Variants in PKNOX1 observed in about 807,000 individuals in gnomAD.
PKNOX1 encodes PBX/knotted 1 homeobox 1.
In PKNOX1, 15 loss-of-function variants were observed where a neutral mutation model predicts 51.9. The observed-to-expected ratio is 0.29, with a 90% CI of 0.19 to 0.45. The LOEUF is 0.45. PKNOX1 is among the 20% of genes least tolerant of loss of function. The pLI, the probability that PKNOX1 is intolerant of heterozygous loss-of-function variation, is 1.00. For synonymous variants in PKNOX1, 219 were observed against 211.1 expected (o/e 1.04, Z -0.32); for missense variants, 462 against 547.5 (o/e 0.84, Z 1.56).
chr21:43,029,679 C>T (rs1252623242), intron 10 of PKNOX1, among the ~76,000 whole-genome samples: 1 of 152,074 alleles, frequency 6.6e-6, no homozygotes, highest in Non-Finnish European at 1.5e-5. Context: ...TATCCGCCTG[C>T]CTCAGCCTCC....
At chr21:43,022,543 T>C (rs1330472525) in intron 8 of PKNOX1, among the ~76,000 whole-genome samples, 2 of 152,078 alleles carry the variant, frequency 1.3e-5, no homozygotes, top group African/African-American at 2.4e-5. Flanking sequence ...CTGCGCCTCT[T>C]CTGCTTGCCT....
intron 1 of PKNOX1, among the ~76,000 whole-genome samples, chr21:43,001,565 C>T (rs1978754898): frequency 6.6e-6 from 1 of 152,190 alleles, no homozygotes; most frequent in South Asian, 2.1e-4. Context: ...GTGCTGTGTC[C>T]TCCTGTCTCC....
chr21:43,025,466 A>G (rs553504030), intron 9 of PKNOX1, among the ~76,000 whole-genome samples: 5 of 152,334 alleles, frequency 3.3e-5, no homozygotes, highest in African/African-American at 1.2e-4. Flanking sequence ...CCTGCTCCAC[A>G]GAAGAGTCTG....
chr21:42,978,908 A>G (rs1241596793), intron 1 of PKNOX1, among the ~76,000 whole-genome samples: 5 of 151,912 alleles, frequency 3.3e-5, no homozygotes, highest in African/African-American at 2.4e-5. Flanking sequence ...GGCCTTGGCT[A>G]TGTTTTTGAG....
intron 1 of PKNOX1, among the ~76,000 whole-genome samples, chr21:42,983,168 C>T (rs1476072114): frequency 1.3e-5 from 2 of 152,090 alleles, no homozygotes; most frequent in African/African-American, 4.8e-5. Flanking sequence ...CCATCTTAAC[C>T]ATTTTCAGTG....
chr21:42,986,806 T>A (rs1410082289), intron 1 of PKNOX1, among the ~76,000 whole-genome samples: 1 of 152,154 alleles, frequency 6.6e-6, no homozygotes, highest in Non-Finnish European at 1.5e-5. Context: ...TTGTCTTCAG[T>A]CGTTTTCTGG....
intron 8 of PKNOX1, chr21:43,024,508 A>T (rs915994356): frequency 1.6e-5 from 3 of 186,088 alleles, no homozygotes; most frequent in South Asian, 3.1e-4. Context: ...TTTATTGTTC[A>T]TAAGTTAAAG....
chr21:43,020,793 G>A (rs919011561), intron 7 of PKNOX1, among the ~76,000 whole-genome samples: 1 of 152,238 alleles, frequency 6.6e-6, no homozygotes, highest in African/African-American at 2.4e-5. Flanking sequence ...GCACAGGTGG[G>A]AACAGGTGGT....
At chr21:42,975,825 C>T (rs896660897) in intron 1 of PKNOX1, among the ~76,000 whole-genome samples, 4 of 152,216 alleles carry the variant, frequency 2.6e-5, no homozygotes, top group African/African-American at 9.6e-5. Context: ...GATGATTTTT[C>T]CTTAGGAAGT....
chr21:42,998,024 G>T (rs1978587209), intron 1 of PKNOX1, among the ~76,000 whole-genome samples: 1 of 152,152 alleles, frequency 6.6e-6, no homozygotes, highest in Non-Finnish European at 1.5e-5. Flanking sequence ...GTCTACTCAG[G>T]TAGCTCACAC....
intron 7 of PKNOX1, among the ~76,000 whole-genome samples, chr21:43,019,959 G>T (rs1283865203): frequency 7.9e-6 from 1 of 126,732 alleles, no homozygotes; most frequent in Non-Finnish European, 1.6e-5. Context: ...TTAAGAGACG[G>T]TCTCGCTCTG....
At chr21:42,989,461 G>C (rs201562279) in intron 1 of PKNOX1, among the ~76,000 whole-genome samples, 1 of 152,034 alleles carries the variant, frequency 6.6e-6, no homozygotes, top group East Asian at 1.9e-4. Flanking sequence ...TGTCACCCTG[G>C]CTGGAGTGCA....
chr21:42,990,530 A>G (rs1441155756), intron 1 of PKNOX1, among the ~76,000 whole-genome samples: 1 of 152,192 alleles, frequency 6.6e-6, no homozygotes, highest in Non-Finnish European at 1.5e-5. Flanking sequence ...GGGCAGTGTT[A>G]TAAGTTGGAT....
In PKNOX1 at chr21:43,021,041, C is replaced by T. The variant is rs1979729882; in HGVS notation, c.721-262C>T. On this transcript the variant is annotated intron_variant, in intron 7 of 10. Coordinates refer to ENST00000291547, the MANE Select transcript of PKNOX1 (RefSeq NM_004571.5). The surrounding 1 kb of genome is among the most constrained non-coding windows in gnomAD (Gnocchi z 4.6). ...GAAGAATCACTTGAGCCCAGGAGTT[C>T]AAGGCTGCAGTGAGCCGTGACTGCA... 2 of 221,634 alleles carry T rather than the reference C, an allele frequency of 9.0e-6. No individual in the cohort carries two copies. Among genetic ancestry groups the T allele is most frequent in the Non-Finnish European group, 1.8e-5 (2 of 110,052 alleles). 13.7% of individuals were successfully genotyped at this position (221,634 alleles called of 1,614,324 possible).
chr21:43,014,586 G>T (rs1453819757), intron 5 of PKNOX1, among the ~76,000 whole-genome samples: 1 of 152,112 alleles, frequency 6.6e-6, no homozygotes, highest in African/African-American at 2.4e-5. Context: ...CCTAACCCTA[G>T]GTCCCAAAGA....
chr21:42,982,841 G>T (rs1410053198), intron 1 of PKNOX1, among the ~76,000 whole-genome samples: 1 of 151,764 alleles, frequency 6.6e-6, no homozygotes, highest in Non-Finnish European at 1.5e-5. Flanking sequence ...ACAGGGGCTT[G>T]CTCTGTTGCC....
intron 1 of PKNOX1, among the ~76,000 whole-genome samples, chr21:42,982,047 A>AC (rs375993566): frequency 6.6e-6 from 1 of 152,228 alleles, no homozygotes; most frequent in African/African-American, 2.4e-5. Context: ...GTGGGGGCTC[A>AC]CCCAGCCTTA....
At chr21:42,993,117 A>G (rs2059096967) in intron 1 of PKNOX1, among the ~76,000 whole-genome samples, 1 of 152,010 alleles carries the variant, frequency 6.6e-6, no homozygotes, top group African/African-American at 2.4e-5. Context: ...CAAATGAGTC[A>G]CTAGGTCAGC....
chr21:43,029,846 G>T, intron 10 of PKNOX1, 44 bp from the exon 11 acceptor site: 1 of 1,537,604 alleles, frequency 6.5e-7, no homozygotes, highest in Admixed American at 1.7e-5. Flanking sequence ...GTGTTTTTCT[G>T]TGAGTACTAA....
Sources: gnomAD v4.1 joint callset for allele counts (sites outside exome capture counted in the v4.1 genomes callset) on GRCh38, gnomAD v4.1.1 for gene constraint, Gnocchi (gnomAD v3.1) non-coding constraint, MANE v1.5 for transcripts, NCBI Gene and HGNC (gene_info 2026-07-23, HGNC 2026-07-21) for gene names.